Variants in MYLK observed in about 807,000 individuals in gnomAD.
MYLK encodes the protein myosin light chain kinase.
A neutral mutation model predicts 203.4 loss-of-function variants in MYLK; 106 were observed. That is an observed-to-expected ratio of 0.52 (90% CI 0.45 to 0.61). The LOEUF is 0.61. Ranked by LOEUF, MYLK falls within the 20% of genes least tolerant of loss-of-function variation. MYLK has a pLI of 0.00. For synonymous variants in MYLK, 867 were observed against 959.5 expected (o/e 0.90, Z 1.78); for missense variants, 2,072 against 2,442.3 (o/e 0.85, Z 3.20).
chr3:123,721,634 G>T (rs865359), intron 13 of MYLK, among the ~76,000 whole-genome samples: 72 of 151,776 alleles, frequency 4.7e-4, no homozygotes, highest in Non-Finnish European at 6.6e-4. Flanking sequence ...CAGTGTGCAC[G>T]CTGTGACCCA....
At chr3:123,826,078 G>A (rs1045133747) in intron 3 of MYLK, among the ~76,000 whole-genome samples, 2 of 152,148 alleles carry the variant, frequency 1.3e-5, no homozygotes, top group Non-Finnish European at 2.9e-5. Context: ...CCAAAAAAGG[G>A]CCTGAGAAAC....
chr3:123,864,135 G>T (rs2032145256), intron 2 of MYLK, among the ~76,000 whole-genome samples: 1 of 152,184 alleles, frequency 6.6e-6, no homozygotes, highest in African/African-American at 2.4e-5. Flanking sequence ...GAAGTTCTAG[G>T]AGAGACAAAA....
At chr3:123,703,360 G>A (rs527309182) in intron 16 of MYLK, among the ~76,000 whole-genome samples, 6 of 152,262 alleles carry the variant, frequency 3.9e-5, no homozygotes, top group Admixed American at 3.9e-4. Flanking sequence ...CAGTGCCCTC[G>A]TGCTGTCCCA....
At chr3:123,719,330 G>T (rs573683956) in intron 13 of MYLK, among the ~76,000 whole-genome samples, 1 of 152,002 alleles carries the variant, frequency 6.6e-6, no homozygotes, top group African/African-American at 2.4e-5. Context: ...AAGCAGGCAC[G>T]AGTGTTCATG....
intron 27 of MYLK, among the ~76,000 whole-genome samples, chr3:123,645,415 T>C (rs147774279): frequency 9.1e-4 from 139 of 152,300 alleles, no homozygotes; most frequent in African/African-American, 3.2e-3. Context: ...AAAAGACTAA[T>C]ATTCCACTCA....
chr3:123,685,459 G>A (rs1278547220), intron 19 of MYLK, among the ~76,000 whole-genome samples: 1 of 152,076 alleles, frequency 6.6e-6, no homozygotes, highest in Non-Finnish European at 1.5e-5. Context: ...CAGGCACTGT[G>A]GCATGTGCTT....
At chr3:123,866,958 A>T (rs973235912) in intron 2 of MYLK, among the ~76,000 whole-genome samples, 7 of 151,984 alleles carry the variant, frequency 4.6e-5, no homozygotes, top group African/African-American at 1.7e-4. Context: ...CGTTATTTCT[A>T]TGACTCCCCA....
Position 123,640,215 on chromosome 3 carries a change from CACACTCAGTGTGAGAGGA to C in MYLK, c.4837+54_4837+71del. ...AACCCCAATACTGTATGTTTCCTCTCACACTCAGTGTGAGAGGAAACGGCCAGTGCAATACACACTGGT... is the reference window on the plus strand; with the variant it reads ...AACCCCAATACTGTATGTTTCCTCTCAACGGCCAGTGCAATACACACTGGT... On this transcript the variant is annotated intron_variant, in intron 28 of 33. Coordinates refer to ENST00000360304, the MANE Select transcript of MYLK (RefSeq NM_053025.4). The surrounding 1 kb of genome is among the most constrained non-coding windows in gnomAD (Gnocchi z 4.3). The C allele has an allele frequency of 7.0e-7, 1 of 1,422,794 alleles. No homozygotes were observed. The highest frequency in any genetic ancestry group is 9.9e-7 in the Non-Finnish European group (1 of 1,007,418). 88.1% of individuals were successfully genotyped at this position (1,422,794 alleles called of 1,614,324 possible).
At chr3:123,776,609 GAC>G (rs2064088202) in intron 4 of MYLK, among the ~76,000 whole-genome samples, 1 of 152,170 alleles carries the variant, frequency 6.6e-6, no homozygotes, top group African/African-American at 2.4e-5. Flanking sequence ...AAATTATGGT[GAC>G]AGAGTGATTT....
intron 14 of MYLK, chr3:123,709,186 G>A (rs2061586497): frequency 4.1e-6 from 1 of 244,244 alleles, no homozygotes. Context: ...TGTCGCCCAG[G>A]CTGCAGTGCA....
chr3:123,810,418 T>C (rs1247876246), intron 3 of MYLK, among the ~76,000 whole-genome samples: 1 of 152,230 alleles, frequency 6.6e-6, no homozygotes, highest in Non-Finnish European at 1.5e-5. Flanking sequence ...GGTCTGGAGC[T>C]GGCGTCTGTT....
At chr3:123,676,325 C>T (rs2060071216) in intron 20 of MYLK, among the ~76,000 whole-genome samples, 1 of 152,218 alleles carries the variant, frequency 6.6e-6, no homozygotes, top group African/African-American at 2.4e-5. Context: ...AGCCCAGCCT[C>T]TCTCCCAGGG....
intron 13 of MYLK, among the ~76,000 whole-genome samples, chr3:123,717,752 G>A (rs2061945966): frequency 6.6e-6 from 1 of 152,102 alleles, no homozygotes; most frequent in Non-Finnish European, 1.5e-5. Flanking sequence ...GGGTCAGGAG[G>A]AAAGACATTC....
In MYLK at chr3:123,734,085, C is replaced by G. The variant is rs891551084; in HGVS notation, c.911G>C (p.Gly304Ala). Residue 304 changes from glycine (G) to alanine (A), a missense_variant, in exon 10 of 34, where the codon GGC becomes GCC. This residue lies in a region of MYLK where 683 missense variants were observed against 643.8 expected (regional missense o/e 1.06). Transcript: ENST00000360304. Reference sequence around the variant, plus strand: ...GCTGTTTGCAGCCCAGGGTGGGGAGCCACCTCTCTGGGGGCTGGAGCAGTT... The same window carrying G: ...GCTGTTTGCAGCCCAGGGTGGGGAGGCACCTCTCTGGGGGCTGGAGCAGTT... The part of the protein sequence containing the change: ...SKNCSSPQRG[G>A]SPPWAANSQP... 6.2e-7 allele frequency: 1 copy of G among 1,612,072 alleles called. No homozygotes were observed.
chr3:123,698,698 ATGTTTCTCTC>A (rs2061039578), intron 18 of MYLK: 1 of 186,380 alleles, frequency 5.4e-6, no homozygotes, highest in South Asian at 1.4e-4. Context: ...AGAAAATAAC[ATGTTTCTCTC>A]TGCCAGCCAG....
chr3:123,708,780 G>A lies in MYLK; in HGVS notation c.2058C>T (p.Phe686=), dbSNP rs1262565685. ...AGGTGTACGTGCCCGTGTCCTCCGGGAACACTTCCTGGATACAAAGGCTGT... is the reference window on the plus strand; with the variant it reads ...AGGTGTACGTGCCCGTGTCCTCCGGAAACACTTCCTGGATACAAAGGCTGT... The part of the protein sequence containing the change: ...TQHSLCIQEV[F]PEDTGTYTCE... Residue 686 remains phenylalanine (F), a synonymous_variant, in exon 15 of 34, where the codon TTC becomes TTT. Coordinates refer to ENST00000360304, the MANE Select transcript of MYLK (RefSeq NM_053025.4). The A allele has an allele frequency of 1.2e-6, 2 of 1,614,060 alleles. No homozygotes were observed. The highest frequency in any genetic ancestry group is 2.2e-5 in the East Asian group (1 of 44,894).
At chr3:123,692,023 G>A (rs768295947) in intron 19 of MYLK, among the ~76,000 whole-genome samples, 6 of 152,126 alleles carry the variant, frequency 3.9e-5, no homozygotes, top group Non-Finnish European at 8.8e-5. Flanking sequence ...CTACTTCTCA[G>A]GTTCCAATTC....
At chr3:123,876,782 G>A (rs1202653284) in intron 1 of MYLK, among the ~76,000 whole-genome samples, 165 bp from the exon 2 acceptor site, 1 of 152,146 alleles carries the variant, frequency 6.6e-6, no homozygotes, top group Non-Finnish European at 1.5e-5. Flanking sequence ...TTCAAACAAG[G>A]TTCCCAAAGA....
chr3:123,851,429 G>A (rs1469918822), intron 2 of MYLK, among the ~76,000 whole-genome samples: 2 of 152,146 alleles, frequency 1.3e-5, no homozygotes, highest in Non-Finnish European at 2.9e-5. Flanking sequence ...TTGAGCAGTG[G>A]TTTGTAGTTC....
Sources: allele counts gnomAD v4.1 joint callset (sites outside exome capture counted in the v4.1 genomes callset), GRCh38; gene constraint gnomAD v4.1.1; regional missense constraint gnomAD v4.1.1; non-coding constraint Gnocchi (gnomAD v3.1); transcripts MANE v1.5; gene names NCBI Gene and HGNC (gene_info 2026-07-23, HGNC 2026-07-21).